The following MLLT6 variants were observed in gnomAD, a reference collection of about 807,000 sequenced individuals.
The protein encoded by MLLT6 is protein AF-17.
Under a neutral mutation model 103.0 loss-of-function variants are expected in MLLT6, and 22 were observed. The observed-to-expected ratio is 0.21, with a 90% CI of 0.15 to 0.31. The LOEUF is 0.31. Ranked by LOEUF, MLLT6 falls within the 10% of genes least tolerant of loss-of-function variation. The probability of loss-of-function intolerance (pLI) is 1.00; values close to 1 mark genes in which losing one functional copy is unlikely to be tolerated. For missense variants in MLLT6, 1,199 were observed against 1,441.7 expected (o/e 0.83, Z 2.73); for synonymous variants, 606 against 623.5 (o/e 0.97, Z 0.42).
At chr17:38,710,699 G>A (rs1218251365) in intron 6 of MLLT6, among the ~76,000 whole-genome samples, 1 of 152,044 alleles carries the variant, frequency 6.6e-6, no homozygotes, top group Non-Finnish European at 1.5e-5. Flanking sequence ...GGTACAGCTG[G>A]CTTCTGTAGG....
At chr17:38,719,469 G>A in intron 12 of MLLT6, 48 bp from the exon 13 acceptor site, 1 of 1,519,816 alleles carries the variant, frequency 6.6e-7, no homozygotes, top group South Asian at 1.2e-5. Flanking sequence ...GGGACCCTGA[G>A]GCAGCTACCA....
chr17:38,719,348 G>T (rs1164346425), intron 12 of MLLT6, 169 bp from the exon 13 acceptor site: 2 of 637,160 alleles, frequency 3.1e-6, no homozygotes, highest in East Asian at 2.9e-5. Flanking sequence ...CAGGGGCAGG[G>T]TTTCCAAGCC....
rs548672799 is a variant in MLLT6, at chr17:38,722,138, G to A, written c.2703G>A (p.Gly901=). The change falls in exon 17 of 20, where the codon GGG becomes GGA. Residue 901 remains glycine, a synonymous_variant. Coordinates refer to ENST00000621332, the MANE Select transcript of MLLT6 (RefSeq NM_005937.4). ...SGGLPLNGLL[G]GLNGAAAPNP... The stretch of plus-strand genomic sequence containing the variant: ...GCCTGCCCCTCAATGGGCTCCTTGG[G>A]GGGTTGAATGGGGCCGCTGCCCCCA... 2.6e-5 allele frequency: 36 copies of A among 1,376,186 alleles called. No homozygotes were observed. The highest frequency in any genetic ancestry group is 2.1e-4 in the South Asian group (13 of 60,982). 85.2% of individuals were successfully genotyped at this position (1,376,186 alleles called of 1,614,324 possible). A position where few individuals can be genotyped will look rare whatever the true frequency, so the allele number is the denominator to read the frequency against.
Position 38,720,730 on chromosome 17 carries a change from C to T in MLLT6, c.2425C>T (p.Leu809=). 6.2e-7 allele frequency: 1 copy of T among 1,613,806 alleles called. No homozygotes were observed. Among genetic ancestry groups the T allele is most frequent in the Non-Finnish European group, 8.5e-7 (1 of 1,179,978 alleles). ...GKSSLGLDNS[L]STSSEDPHSG... ...GAGCAGCCTCGGCCTGGACAACTCG[C>T]TGTCCACTTCTTCTGAGGTGGGCGC... Residue 809 remains leucine (L), a synonymous_variant, in exon 16 of 20, where the codon CTG becomes TTG. Coordinates refer to ENST00000621332, the MANE Select transcript of MLLT6 (RefSeq NM_005937.4).
In MLLT6 at chr17:38,715,877, T is replaced by A. The variant is rs777252477; in HGVS notation, c.1036+49T>A. On this transcript the variant is annotated intron_variant, in intron 9 of 19. Coordinates refer to ENST00000621332, the MANE Select transcript of MLLT6 (RefSeq NM_005937.4). ...AGCTGGGAGCAGGGAAAGCCTTTTG[T>A]CCTGAGCTTTTCTGGCAAGGGACTT... 10 of 1,493,750 alleles carry A rather than the reference T, an allele frequency of 6.7e-6. No homozygotes were observed. In the African/African-American group the frequency reaches 1.4e-4, roughly 21 times the overall value. 92.5% of individuals were successfully genotyped at this position (1,493,750 alleles called of 1,614,324 possible).
In MLLT6 at chr17:38,718,096, C is replaced by T. The variant is rs1332341269; in HGVS notation, c.1942+143C>T. On this transcript the variant is annotated intron_variant, in intron 12 of 19. Transcript: ENST00000621332. ...GCCCTCCCTGCAAAAACAAACAGGC[C>T]GGGTGTGGTGGCTCACGCCTGTAAT... 34 of 618,124 alleles carry T rather than the reference C, an allele frequency of 5.5e-5. 1 individual carries two copies. In the Middle Eastern group the frequency reaches 1.3e-3, roughly 24 times the overall value. 38.3% of individuals were successfully genotyped at this position (618,124 alleles called of 1,614,324 possible). A position where few individuals can be genotyped will look rare whatever the true frequency, so the allele number is the denominator to read the frequency against.
At chr17:38,725,002 T>C (rs1365469474) in intron 19 of MLLT6, 26 bp downstream of exon 19, 11 of 1,428,244 alleles carry the variant, frequency 7.7e-6, no homozygotes, top group Non-Finnish European at 1.0e-5. Context: ...GGGGCCTTCC[T>C]GCCTCCCCTC....
At position 38,717,477 on chromosome 17, in the gene MLLT6, T is replaced by G; in HGVS notation, c.1697T>G (p.Met566Arg). The part of the protein sequence containing the change: ...NKDPISHSGG[M>R]LRAVCSTPLS... ...GACCCCATCTCCCACAGTGGCGGGA[T>G]GCTGCGGGCTGTCTGCAGCACCCCT... is the stretch of plus-strand genomic sequence containing the variant. The change falls in exon 11 of 20, where the codon ATG (methionine) becomes AGG (arginine). Residue 566 changes from methionine to arginine, a missense_variant. Physicochemically the swap from Met to Arg is moderately conservative, Grantham distance 91. Transcript: ENST00000621332. 1 of 1,611,360 alleles carries G rather than the reference T, an allele frequency of 6.2e-7. No individual in the cohort carries two copies. Among genetic ancestry groups the G allele is most frequent in the Non-Finnish European group, 8.5e-7 (1 of 1,178,936 alleles).
rs370611684 is a variant in MLLT6 at position 38,726,371 on chromosome 17, A to ATG, written c.*803_*804dup. The ATG allele has an allele frequency of 0.18, 40,755 of 224,134 alleles. 2,180 individuals carry two copies. The highest frequency in any genetic ancestry group is 0.2 in the East Asian group (3,233 of 16,120). 13.9% of individuals were successfully genotyped at this position (224,134 alleles called of 1,614,324 possible). On this transcript the variant is annotated 3_prime_UTR_variant, in exon 20 of 20. Coordinates refer to ENST00000621332, the MANE Select transcript of MLLT6 (RefSeq NM_005937.4). Reference sequence around the variant, plus strand: ...AGTGTGTGAGTGTGTGTGTGCGTGCATGTGTGTGTGTGTGTGTGTGTGTGT... The same window carrying ATG: ...AGTGTGTGAGTGTGTGTGTGCGTGCATGTGTGTGTGTGTGTGTGTGTGTGTGT...
At position 38,729,479 on chromosome 17, in the gene MLLT6, T is replaced by C. The variant is rs1254121083; in HGVS notation, c.*3881T>C. On this transcript the variant is annotated 3_prime_UTR_variant, in exon 20 of 20. Transcript: ENST00000621332. ...TCTCCAGCTCAACTTGGGACTTGGG[T>C]GGTGGGACTGGAGACCTCACCCCTG... 4.3e-6 allele frequency: 1 copy of C among 233,510 alleles called. No homozygotes were observed. The highest frequency in any genetic ancestry group is 6.0e-5 in the East Asian group (1 of 16,590). 14.5% of individuals were successfully genotyped at this position (233,510 alleles called of 1,614,324 possible).
Position 38,707,831 on chromosome 17 carries a change from C to T in MLLT6, c.313C>T (p.Pro105Ser). 1 of 1,613,700 alleles carries T rather than the reference C, an allele frequency of 6.2e-7. No homozygotes were observed. The highest frequency in any genetic ancestry group is 8.5e-7 in the Non-Finnish European group (1 of 1,179,770). ...VQFANVLTME[P>S]IVLQYVPHDR... ...ATTTGCCAACGTGCTCACCATGGAGCCCATCGTGCTGCAGTACGTGCCTCA... is the reference window on the plus strand; with the variant it reads ...ATTTGCCAACGTGCTCACCATGGAGTCCATCGTGCTGCAGTACGTGCCTCA... The change falls in exon 4 of 20, where the codon CCC becomes TCC. Residue 105 changes from proline to serine, a missense_variant. By Grantham distance (74) the Pro-to-Ser change is moderately conservative. Coordinates refer to ENST00000621332, the MANE Select transcript of MLLT6 (RefSeq NM_005937.4).
At chr17:38,707,391 A>G (rs987087704) in intron 2 of MLLT6, 95 bp from the exon 3 acceptor site, 2 of 1,213,046 alleles carry the variant, frequency 1.6e-6, no homozygotes, top group South Asian at 1.3e-5. Context: ...CATCCACCCT[A>G]GAGCTTAGCA....
intron 10 of MLLT6, 30 bp from the exon 11 acceptor site, chr17:38,717,402 A>T (rs759674336): frequency 6.5e-7 from 1 of 1,534,616 alleles, no homozygotes; most frequent in Non-Finnish European, 8.8e-7. Flanking sequence ...GAGAGTAACC[A>T]CGTGCTTCCC....
intron 13 of MLLT6, 76 bp from the exon 14 acceptor site, chr17:38,719,674 C>G: frequency 3.2e-6 from 5 of 1,573,148 alleles, no homozygotes; most frequent in Non-Finnish European, 4.3e-6. Flanking sequence ...GCTGGAACCC[C>G]TGGGGGATAC....
chr17:38,705,443 C>A lies in MLLT6; in HGVS notation c.-190C>A. ...CGGCGGGGGGGGCGGCCAGACAGAG[C>A]GAGCGAGGAGGAGGAGGAGGAGGAC... On this transcript the variant is annotated 5_prime_UTR_variant, in exon 1 of 20. Transcript: ENST00000621332. 2.4e-6 allele frequency: 1 copy of A among 412,982 alleles called. No individual in the cohort carries two copies. The highest frequency in any genetic ancestry group is 4.4e-6 in the Non-Finnish European group (1 of 227,702). The allele number at this position is 412,982 out of a possible 1,614,324, so 25.6% of individuals were successfully genotyped here.
chr17:38,714,225 A>G (rs1298694175), intron 8 of MLLT6: 2 of 152,260 alleles, frequency 1.3e-5, no homozygotes, highest in African/African-American at 2.4e-5. Flanking sequence ...CACAGCTAGT[A>G]AAGTGGTAGA....
intron 12 of MLLT6, chr17:38,718,718 A>G (rs1905495250): frequency 6.6e-6 from 1 of 152,138 alleles, no homozygotes; most frequent in South Asian, 2.1e-4. Flanking sequence ...GCGCTTACGG[A>G]GGTCTCAACC....
intron 4 of MLLT6, chr17:38,708,226 G>A (rs867255531): frequency 1.5e-5 from 4 of 261,646 alleles, no homozygotes; most frequent in Admixed American, 5.2e-5. Flanking sequence ...TGTGCTGCCC[G>A]CTCAATGGAA....
chr17:38,727,306 A>T lies in MLLT6; in HGVS notation c.*1708A>T. On this transcript the variant is annotated 3_prime_UTR_variant, in exon 20 of 20. Coordinates refer to ENST00000621332, the MANE Select transcript of MLLT6 (RefSeq NM_005937.4). ...TTTGTAAGATGTTAGGGAGCTGATA[A>T]TGGAGGGGGGTGGGAATCCTTCAAA... 1 of 182,070 alleles carries T rather than the reference A, an allele frequency of 5.5e-6. No individual in the cohort carries two copies. Among genetic ancestry groups the T allele is most frequent in the East Asian group, 8.9e-5 (1 of 11,260 alleles). The allele number at this position is 182,070 out of a possible 1,614,324, so 11.3% of individuals were successfully genotyped here.
Sources: gnomAD v4.1 joint callset for allele counts (sites outside exome capture counted in the v4.1 genomes callset) on GRCh38, gnomAD v4.1.1 for gene constraint, MANE v1.5 for transcripts, NCBI Gene and HGNC (gene_info 2026-07-23, HGNC 2026-07-21) for gene names.